Variants in ARHGAP39 observed in about 807,000 individuals in gnomAD.
ARHGAP39 encodes the protein rho GTPase-activating protein 39.
Under a neutral mutation model 106.9 loss-of-function variants are expected in ARHGAP39, and 44 were observed. The ratio of observed to expected loss-of-function variants is 0.41; its 90% confidence interval spans 0.32 to 0.53. The LOEUF (loss-of-function observed/expected upper bound fraction) is 0.53. Among genes scored for constraint, ARHGAP39 ranks in the 20% least tolerant of loss-of-function variants. The probability of loss-of-function intolerance (pLI) is 0.21; values close to 1 mark genes in which losing one functional copy is unlikely to be tolerated. For missense variants in ARHGAP39, 1,496 were observed against 1,577.3 expected (o/e 0.95, Z 0.87); for synonymous variants, 768 against 693.2 (o/e 1.11, Z -1.69).
chr8:144,564,937 T>G (rs981513399), intron 3 of ARHGAP39, among the ~76,000 whole-genome samples: 2 of 151,986 alleles, frequency 1.3e-5, no homozygotes, highest in Admixed American at 6.6e-5. Context: ...GATGAAGCCC[T>G]GTCTCTCCTA....
At chr8:144,601,648 CTG>C (rs1195933706) in intron 2 of ARHGAP39, among the ~76,000 whole-genome samples, 30 of 110,320 alleles carry the variant, frequency 2.7e-4, no homozygotes, top group African/African-American at 4.7e-4. Context: ...GCTCGTGTAC[CTG>C]TGTGTGCATG....
intron 2 of ARHGAP39, among the ~76,000 whole-genome samples, chr8:144,601,725 CTG>C (rs773022226): frequency 1.1e-4 from 12 of 108,462 alleles, no homozygotes; most frequent in African/African-American, 1.5e-4. Flanking sequence ...GCTCATGTAC[CTG>C]TGTGTGTGCG....
In ARHGAP39 at chr8:144,604,106, G is replaced by A. The variant is rs1252526825; in HGVS notation, c.80+1429C>T. ...AGAGTGCGGATCGCAACTGTGGAAG[G>A]TGCACAGAGTCCCAGAAAGACCAAC... On this transcript the variant is annotated intron_variant, in intron 2 of 11. Transcript: ENST00000377307. This position sits in a 1 kb window ranked among gnomAD's most constrained non-coding sequence, Gnocchi z 4.1. Among the ~76,000 whole-genome samples, 1 of 152,222 alleles carries A rather than the reference G, an allele frequency of 6.6e-6. No homozygotes were observed. Among genetic ancestry groups the A allele is most frequent in the Non-Finnish European group, 1.5e-5 (1 of 68,038 alleles).
At position 144,532,409 on chromosome 8, in the gene ARHGAP39, G is replaced by C; in HGVS notation, c.2889-13C>G. The C allele has an allele frequency of 6.2e-7, 1 of 1,609,756 alleles. No homozygotes were observed. Among genetic ancestry groups the C allele is most frequent in the South Asian group, 1.1e-5 (1 of 90,786 alleles). ...GTCCCCAGGGACCCTGCAGGGCACA[G>C]GGCAGGTCTCAGGCAACAGGAGCCT... is the stretch of plus-strand genomic sequence containing the variant. On this transcript the variant is annotated splice_polypyrimidine_tract_variant and intron_variant, in intron 9 of 11. Transcript: ENST00000377307.
At chr8:144,624,059 C>CA (rs1820875453) in intron 1 of ARHGAP39, among the ~76,000 whole-genome samples, 1 of 152,208 alleles carries the variant, frequency 6.6e-6, no homozygotes, top group African/African-American at 2.4e-5. Flanking sequence ...CAGGACCCTC[C>CA]ACCCATCAGA....
intron 8 of ARHGAP39, among the ~76,000 whole-genome samples, chr8:144,533,777 G>A (rs1247028517): frequency 6.6e-6 from 1 of 152,260 alleles, no homozygotes; most frequent in African/African-American, 2.4e-5. Flanking sequence ...GCGCTGGGGA[G>A]GGGTATGATG....
chr8:144,645,375 T>C lies in ARHGAP39; in HGVS notation c.-81-39680A>G, dbSNP rs1219984432. On this transcript the variant is annotated intron_variant, in intron 1 of 11. Transcript: ENST00000377307. This position sits in a 1 kb window ranked among gnomAD's most constrained non-coding sequence, Gnocchi z 4.4. ...ACCACGCTCTCAATGATGGGCTCCA[T>C]GAGGGCAGGGCCTCCCTGCCTCACT... Among the ~76,000 whole-genome samples, 1 of 152,190 alleles carries C rather than the reference T, an allele frequency of 6.6e-6. No individual in the cohort carries two copies. Among genetic ancestry groups the C allele is most frequent in the African/African-American group, 2.4e-5 (1 of 41,442 alleles).
intron 7 of ARHGAP39, 132 bp downstream of exon 7, chr8:144,537,589 G>T (rs1424759638): frequency 3.7e-6 from 3 of 802,310 alleles, no homozygotes; most frequent in East Asian, 5.1e-5. Context: ...CGCTCAGGAG[G>T]CCACAGGCCT....
the ARHGAP39 span, among the ~76,000 whole-genome samples, chr8:144,698,107 G>A: frequency 6.6e-6 from 1 of 152,124 alleles, no homozygotes; most frequent in East Asian, 1.9e-4. Flanking sequence ...TTGGATTATG[G>A]GGGTGGATCC....
intron 2 of ARHGAP39, among the ~76,000 whole-genome samples, chr8:144,583,000 C>T (rs1819051300): frequency 6.6e-6 from 1 of 152,220 alleles, no homozygotes; most frequent in African/African-American, 2.4e-5. Flanking sequence ...TCTGAACTTC[C>T]ACCTGCATGT....
At chr8:144,689,015 C>CA (rs752895108), upstream of ARHGAP39, among the ~76,000 whole-genome samples, 3 of 152,134 alleles carry the variant, frequency 2.0e-5, no homozygotes, top group Non-Finnish European at 4.4e-5. Context: ...GGCCCAGAAA[C>CA]ACGCAAGGGA....
intron 2 of ARHGAP39, among the ~76,000 whole-genome samples, chr8:144,597,660 GTC>G (rs1288102502): frequency 6.6e-6 from 1 of 152,204 alleles, no homozygotes; most frequent in Non-Finnish European, 1.5e-5. Flanking sequence ...ATATGAAAAA[GTC>G]TGATCAAATG....
intron 1 of ARHGAP39, among the ~76,000 whole-genome samples, chr8:144,666,350 T>C (rs1821962245): frequency 6.6e-6 from 1 of 152,104 alleles, no homozygotes; most frequent in African/African-American, 2.4e-5. Context: ...GCTAAGACTT[T>C]GGGGGGCTGT....
intron 3 of ARHGAP39, among the ~76,000 whole-genome samples, chr8:144,559,812 C>A (rs1006984517): frequency 6.6e-6 from 1 of 152,158 alleles, no homozygotes; most frequent in African/African-American, 2.4e-5. Flanking sequence ...TTCATATATA[C>A]CTTATCCACA....
At chr8:144,545,925 T>G in intron 5 of ARHGAP39, 115 bp from the exon 6 acceptor site, 1 of 867,730 alleles carries the variant, frequency 1.2e-6, no homozygotes, top group Non-Finnish European at 1.7e-6. Context: ...GCCAGCCAGG[T>G]GAGAGCCCTG....
At chr8:144,564,156 C>T (rs1404541778) in intron 3 of ARHGAP39, among the ~76,000 whole-genome samples, 1 of 152,174 alleles carries the variant, frequency 6.6e-6, no homozygotes, top group African/African-American at 2.4e-5. Context: ...CAGTATTTGG[C>T]AGTAGCTCTC....
intron 1 of ARHGAP39, among the ~76,000 whole-genome samples, chr8:144,643,583 C>T (rs951094389): frequency 6.6e-6 from 1 of 152,194 alleles, no homozygotes; most frequent in Non-Finnish European, 1.5e-5. Context: ...CCTCCATCTC[C>T]TCACCTTCCC....
At position 144,547,034 on chromosome 8, in the gene ARHGAP39, G is replaced by A; in HGVS notation, c.1959+93C>T. 2 of 1,412,984 alleles carry A rather than the reference G, an allele frequency of 1.4e-6. No individual in the cohort carries two copies. Among genetic ancestry groups the A allele is most frequent in the Non-Finnish European group, 1.9e-6 (2 of 1,068,546 alleles). 87.5% of individuals were successfully genotyped at this position (1,412,984 alleles called of 1,614,324 possible). A position where few individuals can be genotyped will look rare whatever the true frequency, so the allele number is the denominator to read the frequency against. On this transcript the variant is annotated intron_variant, in intron 5 of 11. Transcript: ENST00000377307. This position sits in a 1 kb window ranked among gnomAD's most constrained non-coding sequence, Gnocchi z 5.2. ...ACTCTGCGTGCTGCGTGCACGCCCT[G>A]GACGCCAGGTCTCCTGTGCCTGGCC...
At chr8:144,622,834 C>T (rs1157838450) in intron 1 of ARHGAP39, among the ~76,000 whole-genome samples, 2 of 152,270 alleles carry the variant, frequency 1.3e-5, no homozygotes, top group East Asian at 3.8e-4. Context: ...GGCCTGCGCC[C>T]GCTCCTTTCA....
Sources: gnomAD v4.1 joint callset for allele counts (sites outside exome capture counted in the v4.1 genomes callset) on GRCh38, gnomAD v4.1.1 for gene constraint, Gnocchi (gnomAD v3.1) non-coding constraint, MANE v1.5 for transcripts, NCBI Gene and HGNC (gene_info 2026-07-23, HGNC 2026-07-21) for gene names.